RAB10: variants seen among roughly 807,000 people sequenced by gnomAD.
RAB10 encodes the protein ras-related protein Rab-10.
A neutral mutation model predicts 25.7 loss-of-function variants in RAB10; 5 were observed. The ratio of observed to expected loss-of-function variants is 0.19; its 90% CI spans 0.10 to 0.41. The LOEUF (loss-of-function observed/expected upper bound fraction) is 0.41, where lower values mean the gene tolerates loss of function less well. Among genes scored for constraint, RAB10 ranks in the 10% least tolerant of loss-of-function variants. The pLI, the probability that RAB10 is intolerant of heterozygous loss-of-function variation, is 1.00. For missense variants in RAB10, 103 were observed against 245.8 expected (o/e 0.42, Z 3.89); for synonymous variants, 89 against 86.4 (o/e 1.03, Z -0.16).
At chr2:26,081,449 A>T (rs1473101826) in intron 1 of RAB10, among the ~76,000 whole-genome samples, 1 of 152,234 alleles carries the variant, frequency 6.6e-6, no homozygotes, top group Admixed American at 6.5e-5. Flanking sequence ...TATGAAGGTC[A>T]TGAAAGAAAG....
chr2:26,106,295 G>GT (rs2149282675), intron 2 of RAB10, among the ~76,000 whole-genome samples: 1 of 152,276 alleles, frequency 6.6e-6, no homozygotes, highest in African/African-American at 2.4e-5. Flanking sequence ...ATTTGACAAA[G>GT]TAAAATAAGT....
intron 5 of RAB10, among the ~76,000 whole-genome samples, chr2:26,132,528 C>T (rs1668030105): frequency 6.6e-6 from 1 of 152,228 alleles, no homozygotes; most frequent in Non-Finnish European, 1.5e-5. Flanking sequence ...GCTGGGATTA[C>T]AGGCGTGAGC....
chr2:26,096,733 T>G (rs1355551334), intron 1 of RAB10, among the ~76,000 whole-genome samples: 3 of 152,230 alleles, frequency 2.0e-5, no homozygotes, highest in Non-Finnish European at 4.4e-5. Context: ...AATACTAATA[T>G]AATACTATGA....
At chr2:26,060,815 C>G (rs1169622445) in intron 1 of RAB10, among the ~76,000 whole-genome samples, 1 of 151,952 alleles carries the variant, frequency 6.6e-6, no homozygotes. Context: ...AAAAGTAAAA[C>G]TTACTAGTTA....
At chr2:26,116,165 C>T (rs1166054836) in intron 3 of RAB10, among the ~76,000 whole-genome samples, 1 of 152,112 alleles carries the variant, frequency 6.6e-6, no homozygotes, top group Non-Finnish European at 1.5e-5. Context: ...CTGCGCCCCA[C>T]CAGTTGTTAA....
At chr2:26,105,634 C>T (rs1221300872) in intron 2 of RAB10, among the ~76,000 whole-genome samples, 9 of 151,538 alleles carry the variant, frequency 5.9e-5, no homozygotes, top group African/African-American at 2.4e-5. Flanking sequence ...TGTGAGACTC[C>T]GTCTCAGGAA....
chr2:26,054,942 C>T (rs546953439), intron 1 of RAB10, among the ~76,000 whole-genome samples: 2 of 151,648 alleles, frequency 1.3e-5, no homozygotes, highest in Non-Finnish European at 2.9e-5. Flanking sequence ...GATCACGTCA[C>T]TGCACTGCAG....
chr2:26,107,459 T>C (rs1224045497), intron 2 of RAB10, among the ~76,000 whole-genome samples: 3 of 152,078 alleles, frequency 2.0e-5, no homozygotes, highest in African/African-American at 7.2e-5. Flanking sequence ...AGGACTTCTG[T>C]ATAAAAAGAA....
intron 2 of RAB10, chr2:26,101,209 G>C (rs1667331177): frequency 6.6e-6 from 1 of 152,214 alleles, no homozygotes; most frequent in South Asian, 2.1e-4. Flanking sequence ...TTACATTTTA[G>C]TGGGGTAAGT....
intron 3 of RAB10, among the ~76,000 whole-genome samples, chr2:26,110,590 A>G (rs1667550422): frequency 6.6e-6 from 1 of 152,186 alleles, no homozygotes; most frequent in African/African-American, 2.4e-5. Context: ...TTTATTTTTC[A>G]TGTTATAGAA....
At position 26,034,318 on chromosome 2, in the gene RAB10, A is replaced by G; in HGVS notation, c.-291A>G. 1 of 549,794 alleles carries G rather than the reference A, an allele frequency of 1.8e-6. No individual in the cohort carries two copies. Among genetic ancestry groups the G allele is most frequent in the East Asian group, 2.9e-5 (1 of 34,884 alleles). 34.1% of individuals were successfully genotyped at this position (549,794 alleles called of 1,614,324 possible). A position where few individuals can be genotyped will look rare whatever the true frequency, so the allele number is the denominator to read the frequency against. On this transcript the variant is annotated 5_prime_UTR_variant, in exon 1 of 6. Transcript: ENST00000264710. Reference sequence around the variant, plus strand: ...CTCGCCCGTGGGAGCGTCCCGGCCGAGAAGCCCTGAGGGGGGAGGGGAGGC... The same window carrying G: ...CTCGCCCGTGGGAGCGTCCCGGCCGGGAAGCCCTGAGGGGGGAGGGGAGGC...
intron 1 of RAB10, among the ~76,000 whole-genome samples, chr2:26,041,562 AAAAAG>A (rs892300320): frequency 3.3e-5 from 5 of 150,634 alleles, no homozygotes; most frequent in Non-Finnish European, 7.4e-5. Flanking sequence ...AAAAAAAAAA[AAAAAG>A]AATGTTAGCT....
At chr2:26,110,338 C>CAAAAA (rs11403502) in intron 3 of RAB10, among the ~76,000 whole-genome samples, 3 of 123,694 alleles carry the variant, frequency 2.4e-5, no homozygotes, top group East Asian at 2.3e-4. Flanking sequence ...ACTCCGTCTC[C>CAAAAA]AAAAAAAAAA....
At chr2:26,128,821 CA>C (rs1667954950) in intron 5 of RAB10, among the ~76,000 whole-genome samples, 1 of 121,404 alleles carries the variant, frequency 8.2e-6, no homozygotes, top group Non-Finnish European at 1.7e-5. Flanking sequence ...TTGTGACTCT[CA>C]ATATTTGCTA....
At chr2:26,122,411 G>A (rs1009306074) in intron 3 of RAB10, among the ~76,000 whole-genome samples, 24 of 152,256 alleles carry the variant, frequency 1.6e-4, no homozygotes, top group African/African-American at 3.6e-4. Flanking sequence ...GGCAGATCAC[G>A]AGGTCAGGAG....
chr2:26,101,815 T>A (rs1218187259), intron 2 of RAB10: 1 of 152,300 alleles, frequency 6.6e-6, no homozygotes, highest in African/African-American at 2.4e-5. Flanking sequence ...CCCTTGAACC[T>A]GGTCCACTGG....
intron 3 of RAB10, among the ~76,000 whole-genome samples, chr2:26,116,582 A>C (rs1426762369): frequency 9.8e-6 from 1 of 101,958 alleles, no homozygotes; most frequent in Admixed American, 1.6e-4. Context: ...TTTGAGACGC[A>C]GTCTTGCTCT....
In RAB10 at chr2:26,066,777, ATTTTTTTTTT is replaced by A. The variant is rs3065544; in HGVS notation, c.128-31871_128-31862del. ...GGGACACAGCAAAACCATGCCATCA[ATTTTTTTTTT>A]TTTTTTTTTTTTTGATACGGAGTCT... is the stretch of plus-strand genomic sequence containing the variant. On this transcript the variant is annotated intron_variant, in intron 1 of 5. Coordinates refer to ENST00000264710, the MANE Select transcript of RAB10 (RefSeq NM_016131.5). Among the ~76,000 whole-genome samples the A allele has an allele frequency of 6.0e-4, 66 of 110,242 alleles. 1 individual carries two copies. The highest frequency in any genetic ancestry group is 2.8e-4 in the Non-Finnish European group (15 of 53,140). 72.3% of individuals were successfully genotyped at this position (110,242 alleles called of 152,430 possible). A position where few individuals can be genotyped will look rare whatever the true frequency, so the allele number is the denominator to read the frequency against.
chr2:26,110,561 G>A (rs566718327), intron 3 of RAB10, among the ~76,000 whole-genome samples: 4 of 152,042 alleles, frequency 2.6e-5, no homozygotes, highest in African/African-American at 7.2e-5. Flanking sequence ...TGAAATGTCC[G>A]GTAGTAATTT....
Sources: gnomAD v4.1 joint callset for allele counts (sites outside exome capture counted in the v4.1 genomes callset) on GRCh38, gnomAD v4.1.1 for gene constraint, MANE v1.5 for transcripts, NCBI Gene and HGNC (gene_info 2026-07-23, HGNC 2026-07-21) for gene names.